Variants in CPNE3 observed in about 807,000 individuals in gnomAD.
CPNE3 encodes copine 3.
A neutral mutation model predicts 63.9 loss-of-function variants in CPNE3; 68 were observed. That is an observed-to-expected ratio of 1.06 (90% CI 0.87 to 1.30). The LOEUF (loss-of-function observed/expected upper bound fraction) is 1.30, where lower values mean the gene tolerates loss of function less well. Among genes scored for constraint, CPNE3 ranks in the 50% most tolerant of loss-of-function variants. The probability of loss-of-function intolerance (pLI) is 0.00; values close to 1 mark genes in which losing one functional copy is unlikely to be tolerated. For missense variants in CPNE3, 665 were observed against 578.1 expected (o/e 1.15, Z -1.54); for synonymous variants, 219 against 197.5 (o/e 1.11, Z -0.91).
rs572220818 is a variant in CPNE3, at chr8:86,526,567, C to T, written c.-10-1969C>T. On this transcript the variant is annotated intron_variant, in intron 2 of 16. Coordinates refer to ENST00000517490, the MANE Select transcript of CPNE3 (RefSeq NM_003909.5). The stretch of plus-strand genomic sequence containing the variant: ...TCACTCTGTCACCCAGGTTGGAGTG[C>T]AGTGGCATGATCTTGGCTCACTGCA... Among the ~76,000 whole-genome samples, 13 of 151,828 alleles carry T rather than the reference C, an allele frequency of 8.6e-5. No individual in the cohort carries two copies. In the South Asian group the frequency reaches 2.1e-3, roughly 24 times the overall value.
At position 86,561,153 on chromosome 8, in the gene CPNE3, A is replaced by G. The variant is rs560450951; in HGVS notation, c.*2743A>G. 1.3e-5 allele frequency: 2 copies of G among 152,298 alleles called. No homozygotes were observed. Among genetic ancestry groups the G allele is most frequent in the African/African-American group, 4.8e-5 (2 of 41,580 alleles). 9.4% of individuals were successfully genotyped at this position (152,298 alleles called of 1,614,324 possible). A position where few individuals can be genotyped will look rare whatever the true frequency, so the allele number is the denominator to read the frequency against. On this transcript the variant is annotated 3_prime_UTR_variant, in exon 17 of 17. Transcript: ENST00000517490. ...ATTGCTACTTATGCCATATTTGGAC[A>G]TACTTTTTTTTTCTTCAATTTTGTA... is the stretch of plus-strand genomic sequence containing the variant.
rs1430743496 is a variant in CPNE3 at position 86,532,497 on chromosome 8, A to T, written c.388-12A>T. 1 of 1,603,880 alleles carries T rather than the reference A, an allele frequency of 6.2e-7. No homozygotes were observed. Among genetic ancestry groups the T allele is most frequent in the South Asian group, 1.1e-5 (1 of 89,148 alleles). ...AAACATATTTTCTTTCACTTACCTG[A>T]TCTACTCATAGATTTCAGCTGAAGA... On this transcript the variant is annotated splice_polypyrimidine_tract_variant and intron_variant, in intron 5 of 16. Coordinates refer to ENST00000517490, the MANE Select transcript of CPNE3 (RefSeq NM_003909.5).
chr8:86,537,091 T>C (rs1820818762), intron 6 of CPNE3, among the ~76,000 whole-genome samples: 1 of 152,212 alleles, frequency 6.6e-6, no homozygotes, highest in Non-Finnish European at 1.5e-5. Flanking sequence ...AGTTAAAGCC[T>C]GGATCCATTA....
rs869225401 is a variant in CPNE3, at chr8:86,527,946, A to ATTTTTT, written c.-10-570_-10-565dup. 6.3e-4 allele frequency among the ~76,000 whole-genome samples: 54 copies of ATTTTTT among 85,970 alleles called. 6 individuals carry two copies. The highest frequency in any genetic ancestry group is 2.2e-3 in the African/African-American group (38 of 17,654). 56.4% of individuals were successfully genotyped at this position (85,970 alleles called of 152,430 possible). On this transcript the variant is annotated intron_variant, in intron 2 of 16. Coordinates refer to ENST00000517490, the MANE Select transcript of CPNE3 (RefSeq NM_003909.5). Reference sequence around the variant, plus strand: ...AAATTTATAGTTAAGGTAAAAAGAAATTTTTTTTTTTTTTTTTTTTTTTTT... The same window carrying ATTTTTT: ...AAATTTATAGTTAAGGTAAAAAGAAATTTTTTTTTTTTTTTTTTTTTTTTTTTTTTT...
rs2131492712 is a variant in CPNE3, at chr8:86,551,046, TGATAA to T, written c.1018_1022del (p.Lys340ValfsTer19). On this transcript the variant is annotated frameshift_variant and splice_region_variant, in exon 13 of 17. Coordinates refer to ENST00000517490, the MANE Select transcript of CPNE3 (RefSeq NM_003909.5). LOFTEE classifies it high-confidence loss of function. The stretch of plus-strand genomic sequence containing the variant: ...TTATTAAATATTTTTTTCTTTTTAG[TGATAA>T]GATGTTTCCAGCTTTTGGTTTTGGC... 6.3e-7 allele frequency: 1 copy of T among 1,594,470 alleles called. No individual in the cohort carries two copies. The highest frequency in any genetic ancestry group is 1.3e-5 in the African/African-American group (1 of 74,230).
chr8:86,526,521 T>G (rs1339585253), intron 2 of CPNE3, among the ~76,000 whole-genome samples: 1 of 147,234 alleles, frequency 6.8e-6, no homozygotes, highest in Non-Finnish European at 1.5e-5. Flanking sequence ...GTTTGTTTTG[T>G]TTTTTTTTTG....
At chr8:86,541,668 T>A in intron 8 of CPNE3, among the ~76,000 whole-genome samples, 1 of 147,058 alleles carries the variant, frequency 6.8e-6, no homozygotes. Flanking sequence ...TGCTTCACAC[T>A]GCACTCCAGC....
chr8:86,550,827 C>G (rs1383475408), intron 12 of CPNE3, among the ~76,000 whole-genome samples: 1 of 152,062 alleles, frequency 6.6e-6, no homozygotes, highest in Non-Finnish European at 1.5e-5. Flanking sequence ...TCTACAAAAT[C>G]TATAGAAAGA....
At chr8:86,531,782 T>C (rs1373891748) in intron 5 of CPNE3, among the ~76,000 whole-genome samples, 1 of 152,218 alleles carries the variant, frequency 6.6e-6, no homozygotes, top group Non-Finnish European at 1.5e-5. Context: ...ACATTTCCCA[T>C]TATATAATGC....
chr8:86,528,977 G>A lies in CPNE3; in HGVS notation c.165G>A (p.Leu55=). 6.2e-7 allele frequency: 1 copy of A among 1,613,642 alleles called. No homozygotes were observed. Among genetic ancestry groups the A allele is most frequent in the South Asian group, 1.1e-5 (1 of 91,074 alleles). ...GCACAGAAAGGATTAAGAATTGCTT[G>A]AATCCCCAATTTTCCAAGACATTTA... ...VERTERIKNC[L]NPQFSKTFII... is the part of the protein sequence containing the mutation. Residue 55 remains leucine, a synonymous_variant, in exon 4 of 17, where the codon TTG becomes TTA. Transcript: ENST00000517490.
At position 86,558,277 on chromosome 8, in the gene CPNE3, T is replaced by A. The variant is rs750205734; in HGVS notation, c.1492-11T>A. 4.4e-5 allele frequency: 38 copies of A among 872,696 alleles called. No homozygotes were observed. The highest frequency in any genetic ancestry group is 6.8e-5 in the Non-Finnish European group (34 of 501,612). The allele number at this position is 872,696 out of a possible 1,614,324, so 54.1% of individuals were successfully genotyped here. On this transcript the variant is annotated splice_polypyrimidine_tract_variant and intron_variant, in intron 16 of 16. Coordinates refer to ENST00000517490, the MANE Select transcript of CPNE3 (RefSeq NM_003909.5). ...TGCTAATAAAGTCACTTTTATTTTGTTTTTCACAAGGCTCCAAAAGAAGCA... is the reference window on the plus strand; with the variant it reads ...TGCTAATAAAGTCACTTTTATTTTGATTTTCACAAGGCTCCAAAAGAAGCA...
intron 12 of CPNE3, among the ~76,000 whole-genome samples, chr8:86,548,850 T>C (rs1821111950): frequency 6.6e-6 from 1 of 150,896 alleles, no homozygotes; most frequent in African/African-American, 2.4e-5. Flanking sequence ...CTAAATACTA[T>C]TTATAAATAC....
chr8:86,522,234 T>C (rs1388253569), intron 2 of CPNE3, among the ~76,000 whole-genome samples: 1 of 152,224 alleles, frequency 6.6e-6, no homozygotes, highest in Non-Finnish European at 1.5e-5. Flanking sequence ...CACAATTTTA[T>C]ACTCTTGTAT....
chr8:86,530,307 C>A (rs537739847), intron 4 of CPNE3, among the ~76,000 whole-genome samples: 5 of 151,902 alleles, frequency 3.3e-5, no homozygotes, highest in African/African-American at 1.2e-4. Flanking sequence ...GTAGCTAGGA[C>A]TATAAGCACA....
chr8:86,539,267 T>C (rs1563693339), intron 7 of CPNE3, among the ~76,000 whole-genome samples: 1 of 152,182 alleles, frequency 6.6e-6, no homozygotes. Context: ...CTTTGAGCAG[T>C]CTCTTAAGTT....
At chr8:86,545,243 GGCATTGGTTTCCGTGGCCA>G (rs1338728694) in intron 9 of CPNE3, 15 of 153,076 alleles carry the variant, frequency 9.8e-5, no homozygotes, top group African/African-American at 3.6e-4. Context: ...TTTAAAAGTA[GGCATTGGTTTCCGTGGCCA>G]GCAGTTCCAT....
In CPNE3 at chr8:86,537,558, T is replaced by C. The variant is rs1820827230; in HGVS notation, c.460-5T>C. 6.4e-7 allele frequency: 1 copy of C among 1,567,832 alleles called. No homozygotes were observed. ...AATGCTTTTTGTTGTTTGTTTTAAATGTAGGATCTATTTGGAAAGTCAGAC... is the reference window on the plus strand; with the variant it reads ...AATGCTTTTTGTTGTTTGTTTTAAACGTAGGATCTATTTGGAAAGTCAGAC... On this transcript the variant is annotated splice_polypyrimidine_tract_variant and splice_region_variant and intron_variant, in intron 6 of 16. Transcript: ENST00000517490.
intron 10 of CPNE3, chr8:86,547,292 T>A (rs1821073308): frequency 6.3e-6 from 1 of 159,444 alleles, no homozygotes; most frequent in Non-Finnish European, 1.4e-5. Context: ...CCTTACCCAA[T>A]GCATTTATCC....
intron 7 of CPNE3, among the ~76,000 whole-genome samples, chr8:86,539,986 C>T (rs1820897566): frequency 6.6e-6 from 1 of 152,028 alleles, no homozygotes; most frequent in Non-Finnish European, 1.5e-5. Context: ...TTCCTAAGTG[C>T]TCCTTGTAAT....
Sources: gnomAD v4.1 joint callset for allele counts (sites outside exome capture counted in the v4.1 genomes callset) on GRCh38, gnomAD v4.1.1 for gene constraint, MANE v1.5 for transcripts, NCBI Gene and HGNC (gene_info 2026-07-23, HGNC 2026-07-21) for gene names.